UBAP2: variants seen among roughly 807,000 people sequenced by gnomAD.
UBAP2 encodes the protein ubiquitin associated protein 2, also known as ubiquitin-associated protein 2.
Under a neutral mutation model 139.6 loss-of-function variants are expected in UBAP2, and 75 were observed. That is an observed-to-expected ratio of 0.54 (90% CI 0.45 to 0.65). The LOEUF is 0.65. Among genes scored for constraint, UBAP2 ranks in the 30% least tolerant of loss-of-function variants. UBAP2 has a pLI of 0.00. For missense variants in UBAP2, 1,368 were observed against 1,369.6 expected (o/e 1.00, Z 0.02); for synonymous variants, 526 against 526.2 (o/e 1.00, Z 0.01).
chr9:33,940,560 C>A (rs558380573), intron 16 of UBAP2, among the ~76,000 whole-genome samples: 1 of 152,148 alleles, frequency 6.6e-6, no homozygotes, highest in African/African-American at 2.4e-5. Context: ...AGGTGGATTG[C>A]GTGAACCCAG....
At chr9:34,026,329 A>G (rs1353549731) in intron 1 of UBAP2, among the ~76,000 whole-genome samples, 1 of 152,222 alleles carries the variant, frequency 6.6e-6, no homozygotes, top group Non-Finnish European at 1.5e-5. Context: ...TATCTCAGCT[A>G]CTACATCAAA....
In UBAP2 at chr9:33,960,809, T is replaced by C; in HGVS notation, c.798+17A>G. On this transcript the variant is annotated intron_variant, in intron 10 of 28. Coordinates refer to ENST00000379238, the MANE Select transcript of UBAP2 (RefSeq NM_001370062.2). ...AAAAAAAAAAAAGAAAGGTCTCATCTGACAGCAAACACTTACATCTTCAGT... is the reference window on the plus strand; with the variant it reads ...AAAAAAAAAAAAGAAAGGTCTCATCCGACAGCAAACACTTACATCTTCAGT... The C allele has an allele frequency of 1.9e-6, 3 of 1,609,164 alleles. No individual in the cohort carries two copies. The highest frequency in any genetic ancestry group is 1.7e-6 in the Non-Finnish European group (2 of 1,177,190).
chr9:33,948,897 C>T, intron 12 of UBAP2: 3 of 255,540 alleles, frequency 1.2e-5, no homozygotes, highest in Non-Finnish European at 2.3e-5. Context: ...CGCCTGTAAT[C>T]CCAACACTTT....
chr9:34,038,154 A>AGG (rs1564075411), intron 1 of UBAP2, among the ~76,000 whole-genome samples: 1 of 149,738 alleles, frequency 6.7e-6, no homozygotes, highest in African/African-American at 2.4e-5. Context: ...AAAAAAAAAA[A>AGG]AAAAAAAAAA....
intron 6 of UBAP2, among the ~76,000 whole-genome samples, chr9:33,984,148 C>G (rs2131123632): frequency 6.6e-6 from 1 of 151,976 alleles, no homozygotes; most frequent in East Asian, 1.9e-4. Flanking sequence ...AAGTGATCTG[C>G]CCACCTTGGC....
chr9:33,976,786 C>T (rs926416026), intron 6 of UBAP2, among the ~76,000 whole-genome samples: 12 of 151,664 alleles, frequency 7.9e-5, no homozygotes, highest in Non-Finnish European at 1.8e-4. Context: ...TACTTGAGGT[C>T]ATCAGTTCAA....
chr9:34,030,318 G>A (rs911476518), intron 1 of UBAP2, among the ~76,000 whole-genome samples: 15 of 151,724 alleles, frequency 9.9e-5, no homozygotes, highest in African/African-American at 3.1e-4. Context: ...GCGTGGTGGC[G>A]GGCACCTGTA....
chr9:33,947,835 A>T (rs563734665), intron 13 of UBAP2, among the ~76,000 whole-genome samples: 100 of 151,146 alleles, frequency 6.6e-4, no homozygotes, highest in African/African-American at 2.1e-3. Context: ...AAAAAAAAAA[A>T]AAATAAAATA....
intron 19 of UBAP2, chr9:33,928,731 G>GT (rs1200871485): frequency 3.3e-5 from 5 of 152,398 alleles, no homozygotes; most frequent in African/African-American, 1.2e-4. Flanking sequence ...GAGCAGGTAG[G>GT]TGGGGGGCAC....
At chr9:33,986,503 A>G (rs970010630) in intron 6 of UBAP2, among the ~76,000 whole-genome samples, 6 of 152,178 alleles carry the variant, frequency 3.9e-5, no homozygotes, top group Non-Finnish European at 8.8e-5. Context: ...TAATTTGTCA[A>G]TGCTTTTGGT....
At chr9:34,025,262 T>C (rs747452205) in intron 1 of UBAP2, among the ~76,000 whole-genome samples, 5 of 152,186 alleles carry the variant, frequency 3.3e-5, no homozygotes, top group Non-Finnish European at 7.3e-5. Context: ...GAATTCAGTG[T>C]ACACTTGTGT....
chr9:33,934,812 A>G (rs929866801), intron 17 of UBAP2, among the ~76,000 whole-genome samples: 24 of 152,194 alleles, frequency 1.6e-4, no homozygotes, highest in Admixed American at 1.4e-3. Context: ...TGCCACTACC[A>G]CTGCTAGAGT....
At chr9:33,967,211 G>C (rs1285291640) in intron 8 of UBAP2, among the ~76,000 whole-genome samples, 1 of 152,044 alleles carries the variant, frequency 6.6e-6, no homozygotes. Flanking sequence ...CTTGTGTCTT[G>C]CATCTTGTGC....
chr9:33,993,040 G>A (rs909906501), intron 4 of UBAP2, among the ~76,000 whole-genome samples: 4 of 152,100 alleles, frequency 2.6e-5, no homozygotes, highest in East Asian at 3.8e-4. Flanking sequence ...TCAAGAGACC[G>A]ATACTTCAAA....
At chr9:34,015,579 G>A (rs750796235) in intron 2 of UBAP2, among the ~76,000 whole-genome samples, 1 of 151,846 alleles carries the variant, frequency 6.6e-6, no homozygotes, top group Non-Finnish European at 1.5e-5. Flanking sequence ...TGTCCACCTC[G>A]GCCTCCCAAA....
chr9:33,928,054 G>T, intron 19 of UBAP2, 62 bp from the exon 20 acceptor site: 1 of 1,512,904 alleles, frequency 6.6e-7, no homozygotes, highest in Non-Finnish European at 8.9e-7. Flanking sequence ...GCTGGGGAGA[G>T]CCTGGCCTGG....
rs148312206 is a variant in UBAP2 at position 34,045,584 on chromosome 9, G to A, written c.-42+3241C>T. On this transcript the variant is annotated intron_variant, in intron 1 of 28. Coordinates refer to ENST00000379238, the MANE Select transcript of UBAP2 (RefSeq NM_001370062.2). Reference sequence around the variant, plus strand: ...AGACGGGGTTTCACCATGTTGGTTAGGTTAGTCTCGAACTCCCGACCTCGT... The same window carrying A: ...AGACGGGGTTTCACCATGTTGGTTAAGTTAGTCTCGAACTCCCGACCTCGT... Among the ~76,000 whole-genome samples, 199 of 151,980 alleles carry A rather than the reference G, an allele frequency of 1.3e-3. 1 individual carries two copies. Among genetic ancestry groups the A allele is most frequent in the Middle Eastern group, 6.8e-3 (2 of 294 alleles).
chr9:33,933,561 G>A lies in UBAP2; in HGVS notation c.2037C>T (p.Cys679=). Residue 679 remains cysteine, a synonymous_variant, in exon 18 of 29, where the codon TGC becomes TGT. Coordinates refer to ENST00000379238, the MANE Select transcript of UBAP2 (RefSeq NM_001370062.2). The stretch of plus-strand genomic sequence containing the variant: ...GGGATGTGGACGGCAGAAGTGCAGT[G>A]CAGGAGGTGGTGCTGGGCAGGGAGC... ...SVSSLPSTTS[C]TALLPSTSQH... 1 of 1,614,044 alleles carries A rather than the reference G, an allele frequency of 6.2e-7. No individual in the cohort carries two copies. The highest frequency in any genetic ancestry group is 1.7e-5 in the Admixed American group (1 of 60,022).
At chr9:34,034,860 G>A (rs981696637) in intron 1 of UBAP2, among the ~76,000 whole-genome samples, 8 of 141,030 alleles carry the variant, frequency 5.7e-5, no homozygotes, top group Non-Finnish European at 9.1e-5. Flanking sequence ...GAAACAGCGA[G>A]ACTCAATCTC....
Sources: gnomAD v4.1 joint callset for allele counts (sites outside exome capture counted in the v4.1 genomes callset) on GRCh38, gnomAD v4.1.1 for gene constraint, MANE v1.5 for transcripts, NCBI Gene and HGNC (gene_info 2026-07-23, HGNC 2026-07-21) for gene names.